The following GPR37 variants were observed in gnomAD, a reference collection of about 807,000 sequenced individuals.
GPR37 encodes the protein G protein-coupled receptor 37.
GPR37 carries 20 observed loss-of-function variants against 43.6 expected under a neutral mutation model. The observed-to-expected ratio is 0.46, with a 90% CI of 0.32 to 0.67. The LOEUF (loss-of-function observed/expected upper bound fraction) is 0.67. GPR37 is among the 30% of genes least tolerant of loss of function. The pLI, the probability that GPR37 is intolerant of heterozygous loss-of-function variation, is 0.03. For synonymous variants in GPR37, 315 were observed against 322.6 expected (o/e 0.98, Z 0.25); for missense variants, 724 against 797.2 (o/e 0.91, Z 1.11).
chr7:124,755,594 A>G (rs1449504551), intron 1 of GPR37, among the ~76,000 whole-genome samples: 1 of 152,216 alleles, frequency 6.6e-6, no homozygotes, highest in African/African-American at 2.4e-5. Flanking sequence ...ACTACAACCT[A>G]ACATGTTATA....
chr7:124,756,045 C>G (rs1793787315), intron 1 of GPR37, among the ~76,000 whole-genome samples: 1 of 152,144 alleles, frequency 6.6e-6, no homozygotes, highest in African/African-American at 2.4e-5. Context: ...CAAAATTTCA[C>G]TATTGGTAGT....
At position 124,764,730 on chromosome 7, in the gene GPR37, C is replaced by A; in HGVS notation, c.247G>T (p.Gly83Ter). 1 of 1,609,352 alleles carries A rather than the reference C, an allele frequency of 6.2e-7. No individual in the cohort carries two copies. Among genetic ancestry groups the A allele is most frequent in the Non-Finnish European group, 8.5e-7 (1 of 1,179,402 alleles). Residue 83 changes from glycine (G) to a stop codon, truncating the protein, a stop_gained, in exon 1 of 2, where the codon GGA becomes TGA. Transcript: ENST00000303921. LOFTEE classifies it high-confidence loss of function. This position sits in a 1 kb window ranked among gnomAD's most constrained non-coding sequence, Gnocchi z 5.4. ...REEQGAAFLA[G>*]PSWDLPAAPG... Reference sequence around the variant, plus strand: ...GCCGCCGGCAGGTCCCAGGAGGGTCCCGCAAGAAACGCTGCCCCCTGCTCC... The same window carrying A: ...GCCGCCGGCAGGTCCCAGGAGGGTCACGCAAGAAACGCTGCCCCCTGCTCC...
At position 124,744,524 on chromosome 7, in the gene GPR37, C is replaced by T. The variant is rs1479880897; in HGVS notation, c.*2001G>A. ...TAGCTCTCTCCTCCTGAAGTGTCCACTCCTCACACCATCTTTCATCAGCTC... is the reference window on the plus strand; with the variant it reads ...TAGCTCTCTCCTCCTGAAGTGTCCATTCCTCACACCATCTTTCATCAGCTC... On this transcript the variant is annotated 3_prime_UTR_variant, in exon 2 of 2. Transcript: ENST00000303921. 2 of 152,192 alleles carry T rather than the reference C, an allele frequency of 1.3e-5. No individual in the cohort carries two copies. The highest frequency in any genetic ancestry group is 4.8e-5 in the African/African-American group (2 of 41,424). The allele number at this position is 152,192 out of a possible 1,614,324, so 9.4% of individuals were successfully genotyped here.
rs931835741 is a variant in GPR37, at chr7:124,765,231, T to C, written c.-255A>G. 9 of 420,552 alleles carry C rather than the reference T, an allele frequency of 2.1e-5. No homozygotes were observed. The highest frequency in any genetic ancestry group is 3.7e-5 in the East Asian group (1 of 27,396). 26.1% of individuals were successfully genotyped at this position (420,552 alleles called of 1,614,324 possible). A position where few individuals can be genotyped will look rare whatever the true frequency, so the allele number is the denominator to read the frequency against. ...CCCAGCAAGGTATGCCCTCCAAGGT[T>C]CCTAGAGGGAATAGGCTACTCCCGG... On this transcript the variant is annotated 5_prime_UTR_variant, in exon 1 of 2. Transcript: ENST00000303921.
At chr7:124,750,354 A>G (rs4639456) in intron 1 of GPR37, among the ~76,000 whole-genome samples, 109,251 of 151,962 alleles carry the variant, frequency 0.72, 39,354 homozygotes, top group East Asian at 0.81. Flanking sequence ...TATAGCCCGA[A>G]TGAGTCCACA....
In GPR37 at chr7:124,744,512, C is replaced by A; in HGVS notation, c.*2013G>T. 1 of 152,272 alleles carries A rather than the reference C, an allele frequency of 6.6e-6. No homozygotes were observed. Among genetic ancestry groups the A allele is most frequent in the Non-Finnish European group, 1.5e-5 (1 of 68,044 alleles). The allele number at this position is 152,272 out of a possible 1,614,324, so 9.4% of individuals were successfully genotyped here. On this transcript the variant is annotated 3_prime_UTR_variant, in exon 2 of 2. Transcript: ENST00000303921. ...TCCTTTATAAATTAGCTCTCTCCTC[C>A]TGAAGTGTCCACTCCTCACACCATC...
rs1793682387 is a variant in GPR37, at chr7:124,747,180, G to A, written c.1187C>T (p.Pro396Leu). 3 of 1,613,936 alleles carry A rather than the reference G, an allele frequency of 1.9e-6. No individual in the cohort carries two copies. The highest frequency in any genetic ancestry group is 2.5e-6 in the Non-Finnish European group (3 of 1,179,904). The change falls in exon 2 of 2, where the codon CCA becomes CTA. Residue 396 changes from proline (P) to leucine (L), a missense_variant. Pro to Leu is a moderately conservative substitution (Grantham distance 98). Coordinates refer to ENST00000303921, the MANE Select transcript of GPR37 (RefSeq NM_005302.5). The part of the protein sequence containing the change: ...IWVGALLLAL[P>L]EVVLRQLSKE... ...GCTCAGCTGGCGGAGAACAACTTCT[G>A]GAAGTGCTAACAATAGAGCTCCCAC...
intron 1 of GPR37, among the ~76,000 whole-genome samples, chr7:124,750,120 T>G (rs546499937): frequency 1.3e-5 from 2 of 152,240 alleles, no homozygotes; most frequent in African/African-American, 4.8e-5. Flanking sequence ...GGCTGGCCAC[T>G]TCCTAAAATT....
In GPR37 at chr7:124,764,412, G is replaced by A; in HGVS notation, c.565C>T (p.Leu189Phe). Residue 189 changes from leucine to phenylalanine, a missense_variant, in exon 1 of 2, where the codon CTC (leucine) becomes TTC (phenylalanine). Leu to Phe is a conservative substitution (Grantham distance 22). Transcript: ENST00000303921. This position sits in a 1 kb window ranked among gnomAD's most constrained non-coding sequence, Gnocchi z 5.4. ...LFYWPRRAGK[L>F]QGSHHKPLSK... ...AGGGGCTTGTGGTGGGAACCCTGGA[G>A]TTTCCCGGCTCTCCTTGGCCAGTAA... is the stretch of plus-strand genomic sequence containing the variant. 6.2e-7 allele frequency: 1 copy of A among 1,613,622 alleles called. No homozygotes were observed.
intron 1 of GPR37, among the ~76,000 whole-genome samples, chr7:124,752,350 G>A (rs893643063): frequency 6.6e-6 from 1 of 152,146 alleles, no homozygotes; most frequent in Non-Finnish European, 1.5e-5. Flanking sequence ...CTGCTGCTGG[G>A]AACAATGATG....
At chr7:124,755,564 T>C (rs1793782404) in intron 1 of GPR37, among the ~76,000 whole-genome samples, 1 of 152,220 alleles carries the variant, frequency 6.6e-6, no homozygotes, top group Non-Finnish European at 1.5e-5. Context: ...ATTCCTTATA[T>C]GGTTAAAAAA....
At position 124,745,516 on chromosome 7, in the gene GPR37, A is replaced by G. The variant is rs1240416716; in HGVS notation, c.*1009T>C. On this transcript the variant is annotated 3_prime_UTR_variant, in exon 2 of 2. Transcript: ENST00000303921. ...AAATATATAAATATTTTATTATTCC[A>G]CTCCTATACTTTCATTGCACTTAAA... Among the ~76,000 whole-genome samples, 5 of 152,108 alleles carry G rather than the reference A, an allele frequency of 3.3e-5. No individual in the cohort carries two copies. The East Asian group carries it at 9.6e-4, about 29-fold the overall frequency.
At position 124,764,161 on chromosome 7, in the gene GPR37, G is replaced by A. The variant is rs1793883751; in HGVS notation, c.816C>T (p.Phe272=). 1 of 1,602,800 alleles carries A rather than the reference G, an allele frequency of 6.2e-7. No individual in the cohort carries two copies. Among genetic ancestry groups the A allele is most frequent in the Non-Finnish European group, 8.5e-7 (1 of 1,173,948 alleles). The change falls in exon 1 of 2, where the codon TTC becomes TTT. Residue 272 remains phenylalanine (F), a synonymous_variant. Transcript: ENST00000303921. The surrounding 1 kb of genome is among the most constrained non-coding windows in gnomAD (Gnocchi z 5.4). ...YAVMCLSVVI[F]GTGIIGNLAV... ...CCAGGTTGCCAATGATGCCGGTCCCGAAGATCACCACGGACAGACACATGA... is the reference window on the plus strand; with the variant it reads ...CCAGGTTGCCAATGATGCCGGTCCCAAAGATCACCACGGACAGACACATGA...
In GPR37 at chr7:124,745,796, A is replaced by G. The variant is rs551934093; in HGVS notation, c.*729T>C. ...ACTCTGCTATTTATTCATATTTTAT[A>G]AGTATTCAGAAGTAATTTGACATCT... On this transcript the variant is annotated 3_prime_UTR_variant, in exon 2 of 2. Coordinates refer to ENST00000303921, the MANE Select transcript of GPR37 (RefSeq NM_005302.5). 1.3e-5 allele frequency among the ~76,000 whole-genome samples: 2 copies of G among 152,304 alleles called. No individual in the cohort carries two copies. Among genetic ancestry groups the G allele is most frequent in the Admixed American group, 1.3e-4 (2 of 15,300 alleles).
chr7:124,753,695 T>C (rs1239856433), intron 1 of GPR37, among the ~76,000 whole-genome samples: 1 of 152,082 alleles, frequency 6.6e-6, no homozygotes, highest in Non-Finnish European at 1.5e-5. Flanking sequence ...GGAGTACAAA[T>C]ACAGTCACCT....
Position 124,746,976 on chromosome 7 carries a change from A to G in GPR37, c.1391T>C (p.Val464Ala). The change falls in exon 2 of 2, where the codon GTG (valine) becomes GCG (alanine). Residue 464 changes from valine to alanine, a missense_variant. Around this residue, in one of 2 missense-constraint regions of GPR37, gnomAD observed 342 missense variants for 441.8 expected, o/e 0.77. Transcript: ENST00000303921. Reference protein sequence around the residue: ...PTLFTITCSLVTARKIRKAEK... With the variant: ...PTLFTITCSLATARKIRKAEK... Reference sequence around the variant, plus strand: ...TGCTTTGCGGATTTTCCTCGCAGTCACTAGAGAGCAGGTGATGGTGAAAAG... The same window carrying G: ...TGCTTTGCGGATTTTCCTCGCAGTCGCTAGAGAGCAGGTGATGGTGAAAAG... 5 of 1,614,002 alleles carry G rather than the reference A, an allele frequency of 3.1e-6. No individual in the cohort carries two copies. Among genetic ancestry groups the G allele is most frequent in the Non-Finnish European group, 4.2e-6 (5 of 1,179,952 alleles).
Position 124,765,162 on chromosome 7 carries a change from C to T in GPR37, c.-186G>A, listed in dbSNP as rs972625916. ...GGGTCACACACACGCCCCCTATAAT[C>T]CTTCCTCCTTTGGCATCTTGTGCAT... On this transcript the variant is annotated 5_prime_UTR_variant, in exon 1 of 2. Transcript: ENST00000303921. 2 of 506,146 alleles carry T rather than the reference C, an allele frequency of 4.0e-6. No homozygotes were observed. The highest frequency in any genetic ancestry group is 6.7e-6 in the Non-Finnish European group (2 of 296,890). The allele number at this position is 506,146 out of a possible 1,614,324, so 31.4% of individuals were successfully genotyped here. A position where few individuals can be genotyped will look rare whatever the true frequency, so the allele number is the denominator to read the frequency against.
At chr7:124,753,520 A>T (rs1216407503) in intron 1 of GPR37, among the ~76,000 whole-genome samples, 2 of 152,086 alleles carry the variant, frequency 1.3e-5, no homozygotes, top group Admixed American at 1.3e-4. Context: ...TGCTGATATG[A>T]TACACTATGA....
At chr7:124,758,865 T>C (rs1793821456) in intron 1 of GPR37, among the ~76,000 whole-genome samples, 1 of 152,138 alleles carries the variant, frequency 6.6e-6, no homozygotes, top group Admixed American at 6.5e-5. Flanking sequence ...ATTTGAAGCC[T>C]TCTGTTCTAC....
Sources: gnomAD v4.1 joint callset for allele counts (sites outside exome capture counted in the v4.1 genomes callset) on GRCh38, gnomAD v4.1.1 for gene constraint, gnomAD v4.1.1 regional missense constraint, Gnocchi (gnomAD v3.1) non-coding constraint, MANE v1.5 for transcripts, NCBI Gene and HGNC (gene_info 2026-07-23, HGNC 2026-07-21) for gene names.